Variants in ZAP70 observed in about 807,000 individuals in gnomAD.
ZAP70 encodes zeta chain of T cell receptor associated protein kinase 70, also known as tyrosine-protein kinase ZAP-70.
Under a neutral mutation model 65.8 loss-of-function variants are expected in ZAP70, and 27 were observed. The observed-to-expected ratio is 0.41, with a 90% CI of 0.30 to 0.57. The LOEUF (loss-of-function observed/expected upper bound fraction) is 0.57. Ranked by LOEUF, ZAP70 falls within the 20% of genes least tolerant of loss-of-function variation. The probability of loss-of-function intolerance (pLI) is 0.28; values close to 1 mark genes in which losing one functional copy is unlikely to be tolerated. For synonymous variants in ZAP70, 363 were observed against 360.8 expected (o/e 1.01, Z -0.07); for missense variants, 696 against 870.5 (o/e 0.80, Z 2.52).
At chr2:97,734,435 G>C in intron 8 of ZAP70, 85 bp from the exon 9 acceptor site, 2 of 1,498,104 alleles carry the variant, frequency 1.3e-6, no homozygotes, top group Non-Finnish European at 1.8e-6. Context: ...ACCCTTGTCT[G>C]GGGCAGGTGC....
In ZAP70 at chr2:97,739,467, G is replaced by A. The variant is rs770287572; in HGVS notation, c.1829G>A (p.Ser610Asn). ...AGCAAGGTGGAAGGGCCCCCAGGCA[G>A]CACACAGAAGGCTGAGGCTGCCTGT... ...LASKVEGPPGSTQKAEAACA is the reference protein window; with the variant it reads ...LASKVEGPPGNTQKAEAACA Residue 610 changes from serine (S) to asparagine (N), a missense_variant, in exon 14 of 14, where the codon AGC (serine) becomes AAC (asparagine). Transcript: ENST00000264972. 4 of 1,613,604 alleles carry A rather than the reference G, an allele frequency of 2.5e-6. No homozygotes were observed. The Admixed American group carries it at 6.7e-5, about 27-fold the overall frequency.
chr2:97,733,038 A>G lies in ZAP70; in HGVS notation c.702+17A>G. The G allele has an allele frequency of 6.2e-7, 1 of 1,614,032 alleles. No individual in the cohort carries two copies. On this transcript the variant is annotated intron_variant, in intron 5 of 13. Transcript: ENST00000264972. ...CTCTGGCAGGTAGGCTGCCCGTGCA[A>G]CTTGTTCTGGGAGATGCCGTGCTCA...
At chr2:97,749,515 CTG>C in the ZAP70 span, among the ~76,000 whole-genome samples, 1 of 152,130 alleles carries the variant, frequency 6.6e-6, no homozygotes, top group South Asian at 2.1e-4. Flanking sequence ...GGGGTCAGGT[CTG>C]TGAGAGTTGC....
chr2:97,744,688 C>G (rs1162204189), downstream of ZAP70, among the ~76,000 whole-genome samples: 6 of 152,126 alleles, frequency 3.9e-5, 1 homozygote, highest in Admixed American at 3.9e-4. Flanking sequence ...CAGAGAATAA[C>G]AGGGAAGGAT....
rs761391482 is a variant in ZAP70 at position 97,734,632 on chromosome 2, C to T, written c.1002C>T (p.Arg334=). ...ELKDKKLFLK[R]DNLLIADIEL... ...AGGACAAGAAGCTCTTCCTGAAGCG[C>T]GATAACCTCCTCATAGCTGACATTG... The change falls in exon 9 of 14, where the codon CGC becomes CGT. Residue 334 remains arginine, a synonymous_variant. Transcript: ENST00000264972. 5 of 1,614,226 alleles carry T rather than the reference C, an allele frequency of 3.1e-6. No individual in the cohort carries two copies. The highest frequency in any genetic ancestry group is 4.5e-5 in the East Asian group (2 of 44,894).
rs1677950468 is a variant in ZAP70, at chr2:97,737,596, C to T, written c.1413C>T (p.Asn471=). The part of the protein sequence containing the change: ...DLAARNVLLV[N]RHYAKISDFG... ...CGGCCCGCAACGTCCTGCTGGTTAACCGGCACTACGCCAAGATCAGCGACT... is the reference window on the plus strand; with the variant it reads ...CGGCCCGCAACGTCCTGCTGGTTAATCGGCACTACGCCAAGATCAGCGACT... The change falls in exon 11 of 14, where the codon AAC becomes AAT. Residue 471 remains asparagine (N), a synonymous_variant. Coordinates refer to ENST00000264972, the MANE Select transcript of ZAP70 (RefSeq NM_001079.4). The surrounding 1 kb of genome is among the most constrained non-coding windows in gnomAD (Gnocchi z 5.0). The T allele has an allele frequency of 6.2e-7, 1 of 1,613,996 alleles. No individual in the cohort carries two copies. The highest frequency in any genetic ancestry group is 1.3e-5 in the African/African-American group (1 of 74,904).
chr2:97,733,432 G>T (rs779657217), intron 7 of ZAP70, 89 bp downstream of exon 7: 26 of 1,600,684 alleles, frequency 1.6e-5, no homozygotes, highest in Non-Finnish European at 2.0e-5. Context: ...GGGTGCCTGT[G>T]GAGCGGAAGA....
intron 2 of ZAP70, among the ~76,000 whole-genome samples, chr2:97,721,642 C>G (rs1458972182): frequency 7.0e-6 from 1 of 143,538 alleles, no homozygotes; most frequent in Non-Finnish European, 1.5e-5. Flanking sequence ...CTGTGTTAGC[C>G]AGGATGGTCT....
intron 13 of ZAP70, 149 bp downstream of exon 13, chr2:97,738,256 C>T: frequency 1.3e-6 from 1 of 770,518 alleles, no homozygotes; most frequent in Non-Finnish European, 2.2e-6. Flanking sequence ...CCCCTACCCC[C>T]ACACCCAGCT....
the ZAP70 span, among the ~76,000 whole-genome samples, chr2:97,749,348 C>T: frequency 1.7e-3 from 264 of 152,292 alleles, 1 homozygote; most frequent in Admixed American, 2.8e-3. Flanking sequence ...ACTAATAGCA[C>T]GCATAGTGCG....
At chr2:97,740,746 C>G (rs1678108650), downstream of ZAP70, among the ~76,000 whole-genome samples, 1 of 152,194 alleles carries the variant, frequency 6.6e-6, no homozygotes, top group Non-Finnish European at 1.5e-5. Context: ...TCACTGCCTG[C>G]TTCACCTCTG....
At chr2:97,733,628 G>A (rs1677715293) in intron 8 of ZAP70, 33 bp downstream of exon 8, 20 of 1,612,962 alleles carry the variant, frequency 1.2e-5, no homozygotes, top group Non-Finnish European at 1.7e-5. Flanking sequence ...GCGGGTTGGG[G>A]CTCATGCTGA....
chr2:97,720,067 G>T (rs2104649350), intron 2 of ZAP70, among the ~76,000 whole-genome samples: 1 of 152,246 alleles, frequency 6.6e-6, no homozygotes, highest in Non-Finnish European at 1.5e-5. Context: ...GTCCCACAGT[G>T]TATCTTATTC....
Position 97,735,545 on chromosome 2 carries a change from TG to T in ZAP70, c.1289+92del. ...ACATGCACCCGCGTGCATGCGTGTGTGGGAAGCCGGGGCACTTCCACACCAT... is the reference window on the plus strand; with the variant it reads ...ACATGCACCCGCGTGCATGCGTGTGTGGAAGCCGGGGCACTTCCACACCAT... On this transcript the variant is annotated intron_variant, in intron 10 of 13. Coordinates refer to ENST00000264972, the MANE Select transcript of ZAP70 (RefSeq NM_001079.4). 2.7e-6 allele frequency: 4 copies of T among 1,475,262 alleles called. 1 individual carries two copies. Among genetic ancestry groups the T allele is most frequent in the Non-Finnish European group, 3.7e-6 (4 of 1,093,232 alleles). 91.4% of individuals were successfully genotyped at this position (1,475,262 alleles called of 1,614,324 possible).
Position 97,739,587 on chromosome 2 carries a change from G to A in ZAP70, c.*89G>A, listed in dbSNP as rs1445681757. 3.3e-6 allele frequency: 5 copies of A among 1,525,820 alleles called. No homozygotes were observed. The East Asian group carries it at 1.2e-4, about 37-fold the overall frequency. 94.5% of individuals were successfully genotyped at this position (1,525,820 alleles called of 1,614,324 possible). On this transcript the variant is annotated 3_prime_UTR_variant, in exon 14 of 14. Coordinates refer to ENST00000264972, the MANE Select transcript of ZAP70 (RefSeq NM_001079.4). ...CCTGCAGTCTGGCTGAGCCCTGCTTGGTTGTCTCCACACACAGCTGGGCTG... is the reference window on the plus strand; with the variant it reads ...CCTGCAGTCTGGCTGAGCCCTGCTTAGTTGTCTCCACACACAGCTGGGCTG...
rs368415238 is a variant in ZAP70, at chr2:97,731,115, G to A, written c.564-1768G>A. 6.6e-6 allele frequency among the ~76,000 whole-genome samples: 1 copy of A among 151,740 alleles called. No individual in the cohort carries two copies. Among genetic ancestry groups the A allele is most frequent in the Admixed American group, 6.6e-5 (1 of 15,244 alleles). ...GAGATGGGAGGTTTGCTGTTTGCTG[G>A]TGAGTGGCTTGGCATGGAGTCTCTG... On this transcript the variant is annotated intron_variant, in intron 4 of 13. Coordinates refer to ENST00000264972, the MANE Select transcript of ZAP70 (RefSeq NM_001079.4). The surrounding 1 kb of genome is among the most constrained non-coding windows in gnomAD (Gnocchi z 4.0).
chr2:97,718,815 G>A (rs1021060578), intron 2 of ZAP70, among the ~76,000 whole-genome samples: 3 of 152,188 alleles, frequency 2.0e-5, no homozygotes, highest in African/African-American at 7.2e-5. Context: ...TTGCTACTCT[G>A]CACCCATGGT....
Position 97,734,687 on chromosome 2 carries a change from C to T in ZAP70, c.1057C>T (p.Arg353Cys), listed in dbSNP as rs1273641941. 2 of 1,614,028 alleles carry T rather than the reference C, an allele frequency of 1.2e-6. No homozygotes were observed. Among genetic ancestry groups the T allele is most frequent in the Non-Finnish European group, 8.5e-7 (1 of 1,180,016 alleles). ...ELGCGNFGSVRQGVYRMRKKQ... is the reference protein window; with the variant it reads ...ELGCGNFGSVCQGVYRMRKKQ... Reference sequence around the variant, plus strand: ...TGGCTGCGGCAACTTTGGCTCAGTGCGCCAGGGCGTGTACCGCATGCGCAA... The same window carrying T: ...TGGCTGCGGCAACTTTGGCTCAGTGTGCCAGGGCGTGTACCGCATGCGCAA... Residue 353 changes from arginine (R) to cysteine (C), a missense_variant, in exon 9 of 14, where the codon CGC (arginine) becomes TGC (cysteine). Around this residue, in one of 3 missense-constraint regions of ZAP70, gnomAD observed 551 missense variants for 630.0 expected, o/e 0.87. Transcript: ENST00000264972.
At chr2:97,747,149 G>A in the ZAP70 span, among the ~76,000 whole-genome samples, 25 of 152,322 alleles carry the variant, frequency 1.6e-4, no homozygotes, top group East Asian at 4.8e-3. Flanking sequence ...AAACAGTTTG[G>A]CAGTTCTTTA....
Sources: gnomAD v4.1 joint callset for allele counts (sites outside exome capture counted in the v4.1 genomes callset) on GRCh38, gnomAD v4.1.1 for gene constraint, gnomAD v4.1.1 regional missense constraint, Gnocchi (gnomAD v3.1) non-coding constraint, MANE v1.5 for transcripts, NCBI Gene and HGNC (gene_info 2026-07-23, HGNC 2026-07-21) for gene names.